The following SLC30A9 variants were observed in gnomAD, a reference collection of about 807,000 sequenced individuals.
The protein encoded by SLC30A9 is proton-coupled zinc antiporter SLC30A9, mitochondrial.
Under a neutral mutation model 87.5 loss-of-function variants are expected in SLC30A9, and 58 were observed. That is an observed-to-expected ratio of 0.66 (90% CI 0.54 to 0.82). SLC30A9 has a LOEUF of 0.82. Ranked by LOEUF, SLC30A9 falls within the 40% of genes least tolerant of loss-of-function variation. SLC30A9 has a pLI of 0.00. For missense variants in SLC30A9, 557 were observed against 679.1 expected (o/e 0.82, Z 2.00); for synonymous variants, 234 against 233.0 (o/e 1.00, Z -0.04).
intron 10 of SLC30A9, among the ~76,000 whole-genome samples, chr4:42,061,646 C>T (rs1717856364): frequency 6.6e-6 from 1 of 152,188 alleles, no homozygotes; most frequent in Non-Finnish European, 1.5e-5. Flanking sequence ...GCCTGTAATC[C>T]CAGCACTTTG....
chr4:42,072,151 A>G (rs1200855705), intron 15 of SLC30A9, among the ~76,000 whole-genome samples: 1 of 151,838 alleles, frequency 6.6e-6, no homozygotes, highest in Non-Finnish European at 1.5e-5. Context: ...CTGTAATTTG[A>G]ATCTCTCCTT....
At chr4:42,050,134 A>T (rs978540038) in intron 9 of SLC30A9, among the ~76,000 whole-genome samples, 2 of 152,194 alleles carry the variant, frequency 1.3e-5, no homozygotes, top group Non-Finnish European at 2.9e-5. Context: ...AAGGATAAAA[A>T]TAACGTGAAG....
At chr4:42,056,818 C>T (rs1025197047) in intron 9 of SLC30A9, among the ~76,000 whole-genome samples, 5 of 152,112 alleles carry the variant, frequency 3.3e-5, no homozygotes, top group Non-Finnish European at 5.9e-5. Context: ...AATGAGGGTA[C>T]AGGCATTGGG....
Position 42,083,598 on chromosome 4 carries a change from T to C in SLC30A9, c.1663-2484T>C, listed in dbSNP as rs116654352. Among the ~76,000 whole-genome samples the C allele has an allele frequency of 3.9e-3, 587 of 152,320 alleles. 2 individuals are homozygous for C. Among genetic ancestry groups the C allele is most frequent in the Non-Finnish European group, 6.6e-3 (447 of 68,014 alleles). ...GATTTTAAAAAGCAGAGCAAATTTTTAGGCTTTTTTTTAAGATAAAGCTTT... is the reference window on the plus strand; with the variant it reads ...GATTTTAAAAAGCAGAGCAAATTTTCAGGCTTTTTTTTAAGATAAAGCTTT... On this transcript the variant is annotated intron_variant, in intron 17 of 17. Transcript: ENST00000264451.
chr4:41,997,159 C>CAA (rs5857827), intron 1 of SLC30A9, among the ~76,000 whole-genome samples: 1,525 of 147,316 alleles, frequency 0.01, 27 homozygotes, highest in African/African-American at 0.033. Context: ...TTTCCTAACT[C>CAA]AAAAAAAAAA....
intron 2 of SLC30A9, among the ~76,000 whole-genome samples, chr4:42,012,757 C>G (rs1715504774): frequency 3.3e-5 from 5 of 151,828 alleles, no homozygotes; most frequent in African/African-American, 1.2e-4. Context: ...TTTTACTAAA[C>G]AACCCCTCCA....
chr4:42,058,394 G>C (rs1357436767), intron 9 of SLC30A9, among the ~76,000 whole-genome samples: 1 of 152,164 alleles, frequency 6.6e-6, no homozygotes, highest in Non-Finnish European at 1.5e-5. Context: ...CATTCAACAA[G>C]TCTCTAGGAA....
At chr4:42,083,769 A>AT (rs1002990866) in intron 17 of SLC30A9, among the ~76,000 whole-genome samples, 2 of 151,634 alleles carry the variant, frequency 1.3e-5, no homozygotes, top group South Asian at 2.1e-4. Flanking sequence ...TGTTTGGAGA[A>AT]TTTTTTTTTA....
rs181235073 is a variant in SLC30A9, at chr4:42,021,183, A to G, written c.434+668A>G. On this transcript the variant is annotated intron_variant, in intron 4 of 17. Transcript: ENST00000264451. Reference sequence around the variant, plus strand: ...AACTTTTATAACTATTACATCAACAACCAATTATAATATTGATTTAGTTCT... The same window carrying G: ...AACTTTTATAACTATTACATCAACAGCCAATTATAATATTGATTTAGTTCT... Among the ~76,000 whole-genome samples, 504 of 152,286 alleles carry G rather than the reference A, an allele frequency of 3.3e-3. 1 individual carries two copies. The highest frequency in any genetic ancestry group is 0.012 in the African/African-American group (483 of 41,566).
intron 11 of SLC30A9, among the ~76,000 whole-genome samples, chr4:42,064,082 G>GCATCAGAC (rs571369432): frequency 1.1e-3 from 171 of 152,328 alleles, no homozygotes; most frequent in African/African-American, 4.0e-3. Context: ...ACTCAGGTAT[G>GCATCAGAC]CATCAGACAG....
chr4:42,066,576 C>T lies in SLC30A9; in HGVS notation c.1099C>T (p.Leu367Phe). 2 of 1,604,194 alleles carry T rather than the reference C, an allele frequency of 1.2e-6. No individual in the cohort carries two copies. Among genetic ancestry groups the T allele is most frequent in the Non-Finnish European group, 1.7e-6 (2 of 1,173,982 alleles). The change falls in exon 13 of 18, where the codon CTT becomes TTT. Residue 367 changes from leucine to phenylalanine, a missense_variant. By Grantham distance (22) the Leu-to-Phe change is conservative. Around this residue, in one of 2 missense-constraint regions of SLC30A9, gnomAD observed 467 missense variants for 529.8 expected, o/e 0.88. Transcript: ENST00000264451. ...AACACTTCTTGTTGCTGTAAATGAACTTCGTAGGAATGCTCGGGCTAAAGG... is the reference window on the plus strand; with the variant it reads ...AACACTTCTTGTTGCTGTAAATGAATTTCGTAGGAATGCTCGGGCTAAAGG... ...GATLLVAVNE[L>F]RRNARAKGMS...
chr4:42,006,663 G>A (rs1715214102), intron 2 of SLC30A9, among the ~76,000 whole-genome samples: 1 of 149,062 alleles, frequency 6.7e-6, no homozygotes, highest in African/African-American at 2.5e-5. Context: ...CTCTAGCCTG[G>A]GCAACAGAGT....
rs1042790262 is a variant in SLC30A9 at position 42,037,238 on chromosome 4, T to C, written c.670-1748T>C. ...TCCTGTTTGCAAAAATTAAATGCCT[T>C]CTTTTTTTTTTTTTTTTTTTTTTTT... On this transcript the variant is annotated intron_variant, in intron 7 of 17. Coordinates refer to ENST00000264451, the MANE Select transcript of SLC30A9 (RefSeq NM_006345.4). Among the ~76,000 whole-genome samples the C allele has an allele frequency of 2.4e-4, 19 of 77,600 alleles. No individual in the cohort carries two copies. The South Asian group carries it at 4.4e-3, about 18-fold the overall frequency. The allele number at this position is 77,600 out of a possible 152,430, so 50.9% of individuals were successfully genotyped here.
chr4:42,079,615 T>G (rs1302891648), intron 17 of SLC30A9, among the ~76,000 whole-genome samples: 1 of 149,452 alleles, frequency 6.7e-6, no homozygotes, highest in African/African-American at 2.5e-5. Context: ...CATTTTTTTT[T>G]TTTTTTAACT....
At chr4:42,075,042 TATATATATATATA>T (rs1718473722) in intron 15 of SLC30A9, among the ~76,000 whole-genome samples, 4 of 13,098 alleles carry the variant, frequency 3.1e-4, no homozygotes, top group Non-Finnish European at 3.4e-4. Flanking sequence ...TATATATATA[TATATATATATATA>T]TATATTTTTT....
intron 2 of SLC30A9, among the ~76,000 whole-genome samples, chr4:42,013,246 T>C (rs1715527511): frequency 6.6e-6 from 1 of 152,198 alleles, no homozygotes; most frequent in Admixed American, 6.5e-5. Context: ...ACCACTGCAC[T>C]ACAGCCTGGG....
chr4:42,022,318 C>T (rs1271989914), intron 4 of SLC30A9, among the ~76,000 whole-genome samples: 1 of 147,402 alleles, frequency 6.8e-6, no homozygotes, highest in Non-Finnish European at 1.5e-5. Context: ...ACCTCTGCCT[C>T]CCGGGTTCAA....
chr4:42,021,110 C>T (rs1249412183), intron 4 of SLC30A9, among the ~76,000 whole-genome samples: 1 of 152,124 alleles, frequency 6.6e-6, no homozygotes, highest in East Asian at 1.9e-4. Context: ...TCCTCATTGT[C>T]ACAGCCACTT....
chr4:42,039,011 T>G lies in SLC30A9; in HGVS notation c.695T>G (p.Phe232Cys). The change falls in exon 8 of 18, where the codon TTT becomes TGT. Residue 232 changes from phenylalanine to cysteine, a missense_variant. By Grantham distance (205) the Phe-to-Cys change is radical (BLOSUM62 -2). Transcript: ENST00000264451. ...TKPRSRTASV[F>C]FKGPGKVVMV... ...CCACGCTCCAGAACAGCATCAGTGT[T>G]TTTTAAGGGACCAGGAAAAGTGGTG... 1 of 1,613,836 alleles carries G rather than the reference T, an allele frequency of 6.2e-7. No individual in the cohort carries two copies. Among genetic ancestry groups the G allele is most frequent in the Non-Finnish European group, 8.5e-7 (1 of 1,179,814 alleles).
Sources: allele counts gnomAD v4.1 joint callset (sites outside exome capture counted in the v4.1 genomes callset), GRCh38; gene constraint gnomAD v4.1.1; regional missense constraint gnomAD v4.1.1; transcripts MANE v1.5; gene names NCBI Gene and HGNC (gene_info 2026-07-23, HGNC 2026-07-21).